The following ARHGEF28 variants were observed in gnomAD, a reference collection of about 807,000 sequenced individuals.
The protein encoded by ARHGEF28 is 190 kDa guanine nucleotide exchange factor.
A neutral mutation model predicts 206.6 loss-of-function variants in ARHGEF28; 152 were observed. The ratio of observed to expected loss-of-function variants is 0.74; its 90% CI spans 0.64 to 0.84. ARHGEF28 has a LOEUF of 0.84. ARHGEF28 is among the 40% of genes least tolerant of loss of function. The pLI is 0.00. For synonymous variants in ARHGEF28, 763 were observed against 776.4 expected (o/e 0.98, Z 0.29); for missense variants, 2,028 against 2,073.2 (o/e 0.98, Z 0.42).
intron 3 of ARHGEF28, 22 bp from the exon 4 acceptor site, chr5:73,752,887 T>C (rs1313774091): frequency 1.2e-6 from 2 of 1,612,820 alleles, no homozygotes; most frequent in Non-Finnish European, 1.7e-6. Context: ...TGGGGTGAAC[T>C]GTTCACTGTC....
intron 2 of ARHGEF28, among the ~76,000 whole-genome samples, chr5:73,741,600 T>C (rs1271047024): frequency 1.3e-5 from 2 of 151,022 alleles, no homozygotes. Flanking sequence ...TTTGTATTTT[T>C]AGTAGAGATG....
At chr5:73,783,345 A>AGTGT (rs57320048) in intron 7 of ARHGEF28, among the ~76,000 whole-genome samples, 35,601 of 145,602 alleles carry the variant, frequency 0.24, 4,624 homozygotes, top group East Asian at 0.34. Context: ...CCTGGAATAT[A>AGTGT]GTGTGTGTGT....
chr5:73,720,924 G>A (rs1230678470), intron 2 of ARHGEF28, among the ~76,000 whole-genome samples: 1 of 152,220 alleles, frequency 6.6e-6, no homozygotes, highest in African/African-American at 2.4e-5. Flanking sequence ...AAAGATCCAT[G>A]CCTGTTCAAA....
chr5:73,640,593 T>G (rs772618808), intron 1 of ARHGEF28, among the ~76,000 whole-genome samples: 11 of 152,178 alleles, frequency 7.2e-5, no homozygotes, highest in Non-Finnish European at 1.2e-4. Context: ...TTAGCAAGTT[T>G]TGTCTAAAAT....
At chr5:73,773,257 G>A (rs1753330284) in intron 4 of ARHGEF28, among the ~76,000 whole-genome samples, 1 of 152,226 alleles carries the variant, frequency 6.6e-6, no homozygotes, top group African/African-American at 2.4e-5. Context: ...TACAGGTCGA[G>A]CCTCCTGAGC....
At chr5:73,910,355 T>C (rs1194219537) in intron 34 of ARHGEF28, among the ~76,000 whole-genome samples, 1 of 104,232 alleles carries the variant, frequency 9.6e-6, no homozygotes, top group Non-Finnish European at 1.8e-5. Context: ...CACTCCAGCC[T>C]GGGTGACAAA....
intron 33 of ARHGEF28, among the ~76,000 whole-genome samples, chr5:73,907,072 T>G (rs72774404): frequency 0.052 from 7,941 of 152,314 alleles, 322 homozygotes; most frequent in Non-Finnish European, 0.077. Flanking sequence ...CTCTTTGTCT[T>G]GTTCAAGATT....
At chr5:73,783,812 A>G (rs1318842492) in intron 7 of ARHGEF28, among the ~76,000 whole-genome samples, 1 of 152,156 alleles carries the variant, frequency 6.6e-6, no homozygotes, top group Non-Finnish European at 1.5e-5. Context: ...TGAATTTGAC[A>G]GGTGTTTGGG....
At chr5:73,914,041 A>G (rs1017864891) in intron 35 of ARHGEF28, among the ~76,000 whole-genome samples, 1 of 152,208 alleles carries the variant, frequency 6.6e-6, no homozygotes, top group African/African-American at 2.4e-5. Flanking sequence ...GTGTTTAGAT[A>G]CCACCTAGAT....
intron 7 of ARHGEF28, among the ~76,000 whole-genome samples, chr5:73,793,730 G>A (rs549976811): frequency 5.3e-5 from 8 of 152,044 alleles, no homozygotes; most frequent in Non-Finnish European, 1.0e-4. Flanking sequence ...CTTGTTTAAG[G>A]GCAACTGAGT....
At chr5:73,634,169 C>T (rs1362153894) in intron 1 of ARHGEF28, among the ~76,000 whole-genome samples, 3 of 152,072 alleles carry the variant, frequency 2.0e-5, no homozygotes, top group Non-Finnish European at 4.4e-5. Flanking sequence ...CCTGAGGAAA[C>T]AATAAAAGTG....
At chr5:73,805,175 A>G (rs1029467136) in intron 9 of ARHGEF28, among the ~76,000 whole-genome samples, 64 of 152,184 alleles carry the variant, frequency 4.2e-4, no homozygotes, top group African/African-American at 1.5e-3. Flanking sequence ...TCCTTTTTAC[A>G]TATCATCAAC....
intron 35 of ARHGEF28, among the ~76,000 whole-genome samples, chr5:73,924,729 A>G (rs1763705896): frequency 6.6e-6 from 1 of 152,198 alleles, no homozygotes; most frequent in Non-Finnish European, 1.5e-5. Flanking sequence ...ATCAAATAAT[A>G]TTGAGAAATG....
intron 16 of ARHGEF28, among the ~76,000 whole-genome samples, chr5:73,863,665 T>C (rs774221664): frequency 4.0e-5 from 6 of 151,676 alleles, no homozygotes; most frequent in Non-Finnish European, 8.8e-5. Flanking sequence ...TTTTCAAGTA[T>C]CTAAAGTTTC....
chr5:73,887,775 A>G, intron 26 of ARHGEF28, 96 bp downstream of exon 26: 1 of 1,017,564 alleles, frequency 9.8e-7, no homozygotes. Flanking sequence ...TAATAGTCAC[A>G]GGGAAGTATA....
At chr5:73,822,317 A>C (rs1306141778) in intron 9 of ARHGEF28, among the ~76,000 whole-genome samples, 1 of 152,190 alleles carries the variant, frequency 6.6e-6, no homozygotes, top group Non-Finnish European at 1.5e-5. Flanking sequence ...AAAGGATCCC[A>C]GGAAGGTTAG....
At chr5:73,667,597 C>T (rs953857820) in intron 1 of ARHGEF28, among the ~76,000 whole-genome samples, 1 of 152,210 alleles carries the variant, frequency 6.6e-6, no homozygotes, top group African/African-American at 2.4e-5. Flanking sequence ...CCGTATTAAT[C>T]TCTTAGCAAA....
chr5:73,907,507 TTA>T (rs1169704754), intron 33 of ARHGEF28, among the ~76,000 whole-genome samples: 1 of 152,248 alleles, frequency 6.6e-6, no homozygotes, highest in Non-Finnish European at 1.5e-5. Context: ...GCTGAATGTC[TTA>T]TATGTGACTG....
chr5:73,672,029 A>G (rs1268609411), intron 1 of ARHGEF28, among the ~76,000 whole-genome samples: 1 of 151,756 alleles, frequency 6.6e-6, no homozygotes, highest in East Asian at 1.9e-4. Flanking sequence ...AGAACTTGAT[A>G]ATATATTTCA....
Sources: gnomAD v4.1 joint callset for allele counts (sites outside exome capture counted in the v4.1 genomes callset) on GRCh38, gnomAD v4.1.1 for gene constraint, MANE v1.5 for transcripts, NCBI Gene and HGNC (gene_info 2026-07-23, HGNC 2026-07-21) for gene names.